Variants in TASOR observed in about 807,000 individuals in gnomAD.
The protein encoded by TASOR is transcription activation suppressor, also known as protein TASOR.
A neutral mutation model predicts 178.6 loss-of-function variants in TASOR; 53 were observed. The observed-to-expected ratio is 0.30, with a 90% CI of 0.24 to 0.37. The LOEUF is 0.37. TASOR is among the 10% of genes least tolerant of loss of function. The pLI, the probability that TASOR is intolerant of heterozygous loss-of-function variation, is 1.00. For synonymous variants in TASOR, 713 were observed against 696.2 expected (o/e 1.02, Z -0.38); for missense variants, 1,815 against 1,971.4 (o/e 0.92, Z 1.50).
At chr3:56,632,853 G>C (rs1410557343) in intron 18 of TASOR, among the ~76,000 whole-genome samples, 191 bp downstream of exon 18, 1 of 152,064 alleles carries the variant, frequency 6.6e-6, no homozygotes, top group Non-Finnish European at 1.5e-5. Flanking sequence ...GCCCAGGCTT[G>C]TCATGAACTC....
intron 5 of TASOR, among the ~76,000 whole-genome samples, chr3:56,669,107 T>A (rs2030383483): frequency 6.6e-6 from 1 of 152,172 alleles, no homozygotes; most frequent in Non-Finnish European, 1.5e-5. Flanking sequence ...ACTCCATTCA[T>A]AATACTCTTC....
At chr3:56,635,109 C>G (rs1164892192) in intron 17 of TASOR, among the ~76,000 whole-genome samples, 2 of 152,172 alleles carry the variant, frequency 1.3e-5, no homozygotes, top group South Asian at 2.1e-4. Context: ...AGATTTTGCT[C>G]ACACTCATCA....
chr3:56,636,405 T>TG (rs1466845124), intron 17 of TASOR, among the ~76,000 whole-genome samples: 1 of 151,608 alleles, frequency 6.6e-6, no homozygotes, highest in African/African-American at 2.4e-5. Context: ...GTGGTGGTGG[T>TG]GTTGTTGTTG....
At chr3:56,665,088 G>C (rs1420498603) in intron 7 of TASOR, among the ~76,000 whole-genome samples, 3 of 152,072 alleles carry the variant, frequency 2.0e-5, no homozygotes, top group Non-Finnish European at 2.9e-5. Flanking sequence ...GCACACAGGG[G>C]TTTGAGGCTG....
Position 56,646,614 on chromosome 3 carries a change from G to A in TASOR, c.2123C>T (p.Thr708Ile), listed in dbSNP as rs527244773. 2.5e-6 allele frequency: 4 copies of A among 1,613,282 alleles called. No individual in the cohort carries two copies. Among genetic ancestry groups the A allele is most frequent in the East Asian group, 2.2e-5 (1 of 44,866 alleles). Residue 708 changes from threonine (T) to isoleucine (I), a missense_variant, in exon 14 of 24, where the codon ACT becomes ATT. Physicochemically the swap from Thr to Ile is moderately conservative, Grantham distance 89. Coordinates refer to ENST00000683822, the MANE Select transcript of TASOR (RefSeq NM_001365635.2). ...DSDTEDMRSK[T>I]VLKRKLEDLP... The stretch of plus-strand genomic sequence containing the variant: ...ATCCTCAAGCTTCCTCTTCAAGACA[G>A]TTTTGCTTCTCATATCTTCTGTGTC...
chr3:56,642,475 GA>G (rs1291784574), intron 14 of TASOR, among the ~76,000 whole-genome samples: 1 of 152,186 alleles, frequency 6.6e-6, no homozygotes, highest in Non-Finnish European at 1.5e-5. Flanking sequence ...GTGGGGTAGG[GA>G]TTGGGTGAAG....
At position 56,620,666 on chromosome 3, in the gene TASOR, T is replaced by TAAG. The variant is rs1160672609; in HGVS notation, c.*2368_*2370dup. The stretch of plus-strand genomic sequence containing the variant: ...CTCATTTGAAGACAAACAGGGTTAC[T>TAAG]AAGAGTTTTACATAAGTTATTTCTT... On this transcript the variant is annotated 3_prime_UTR_variant, in exon 24 of 24. Transcript: ENST00000683822. 6.6e-6 allele frequency: 1 copy of TAAG among 152,258 alleles called. No homozygotes were observed. Among genetic ancestry groups the TAAG allele is most frequent in the Non-Finnish European group, 1.5e-5 (1 of 68,044 alleles). 9.4% of individuals were successfully genotyped at this position (152,258 alleles called of 1,614,324 possible).
intron 1 of TASOR, among the ~76,000 whole-genome samples, chr3:56,674,597 AG>A (rs1368532157): frequency 6.6e-6 from 1 of 152,222 alleles, no homozygotes; most frequent in Non-Finnish European, 1.5e-5. Flanking sequence ...ATGACAACTT[AG>A]TAAAATGAAA....
chr3:56,627,506 CA>C, intron 20 of TASOR, 75 bp downstream of exon 20: 2 of 1,469,788 alleles, frequency 1.4e-6, no homozygotes, highest in South Asian at 2.4e-5. Context: ...CTGTGAATGG[CA>C]GAATAAATGG....
At chr3:56,630,960 T>C (rs1381084948) in intron 18 of TASOR, among the ~76,000 whole-genome samples, 1 of 151,996 alleles carries the variant, frequency 6.6e-6, no homozygotes, top group African/African-American at 2.4e-5. Context: ...GTTGGAGTTA[T>C]GCTAAGCACA....
intron 11 of TASOR, among the ~76,000 whole-genome samples, chr3:56,653,803 AT>A (rs2077411191): frequency 6.6e-6 from 1 of 152,184 alleles, no homozygotes; most frequent in Non-Finnish European, 1.5e-5. Context: ...TCTACATCAT[AT>A]ATCAAAGTTA....
chr3:56,636,398 G>T (rs200540452), intron 17 of TASOR, among the ~76,000 whole-genome samples: 27 of 144,054 alleles, frequency 1.9e-4, no homozygotes, highest in Admixed American at 7.5e-4. Flanking sequence ...GTTGGTGGTG[G>T]TGGTGGTGTT....
intron 7 of TASOR, among the ~76,000 whole-genome samples, chr3:56,665,118 C>T (rs572903809): frequency 2.6e-5 from 4 of 152,166 alleles, no homozygotes; most frequent in East Asian, 1.9e-4. Flanking sequence ...ATGACTGCAC[C>T]GCTTTACTCA....
chr3:56,637,529 A>G (rs955519084), intron 17 of TASOR, among the ~76,000 whole-genome samples: 1 of 149,254 alleles, frequency 6.7e-6, no homozygotes, highest in African/African-American at 2.4e-5. Flanking sequence ...TCAGAGGGGA[A>G]AAAAAAAAAG....
rs118124784 is a variant in TASOR, at chr3:56,651,202, C to A, written c.1369-2145G>T. The stretch of plus-strand genomic sequence containing the variant: ...TCAGCCCAATGAAATCCATTCAACT[C>A]TGCAGAAAAGAAAAATCCTGCAAAT... On this transcript the variant is annotated intron_variant, in intron 11 of 23. Coordinates refer to ENST00000683822, the MANE Select transcript of TASOR (RefSeq NM_001365635.2). 3.3e-3 allele frequency among the ~76,000 whole-genome samples: 500 copies of A among 151,974 alleles called. 12 individuals are homozygous for A. In the East Asian group the frequency reaches 0.083, roughly 25 times the overall value.
chr3:56,656,868 G>A (rs977470068), intron 11 of TASOR, among the ~76,000 whole-genome samples: 2 of 151,382 alleles, frequency 1.3e-5, no homozygotes, highest in African/African-American at 4.9e-5. Flanking sequence ...CAATTAACCA[G>A]GCATGGTGGA....
intron 11 of TASOR, among the ~76,000 whole-genome samples, chr3:56,658,672 C>T (rs1277854422): frequency 6.6e-6 from 1 of 152,032 alleles, no homozygotes; most frequent in African/African-American, 2.4e-5. Context: ...TTTGGGAGGC[C>T]GAGGCGGGTG....
chr3:56,662,580 C>G, intron 8 of TASOR, 90 bp from the exon 9 acceptor site: 2 of 556,226 alleles, frequency 3.6e-6, no homozygotes, highest in Middle Eastern at 4.3e-4. Context: ...CGGAAAATAT[C>G]TAGAAACAAG....
chr3:56,630,584 C>T (rs921358187), intron 18 of TASOR, among the ~76,000 whole-genome samples: 1 of 152,228 alleles, frequency 6.6e-6, no homozygotes, highest in Non-Finnish European at 1.5e-5. Flanking sequence ...TGGCTCACGC[C>T]TGTAATCCCA....
Sources: allele counts gnomAD v4.1 joint callset (sites outside exome capture counted in the v4.1 genomes callset), GRCh38; gene constraint gnomAD v4.1.1; transcripts MANE v1.5; gene names NCBI Gene and HGNC (gene_info 2026-07-23, HGNC 2026-07-21).